The following DECR2 variants were observed in gnomAD, a reference collection of about 807,000 sequenced individuals.
The protein encoded by DECR2 is 2,4-dienoyl-CoA reductase 2.
In DECR2, 34 loss-of-function variants were observed where a neutral mutation model predicts 29.2. That is an observed-to-expected ratio of 1.16 (90% confidence interval 0.89 to 1.55). DECR2 has a LOEUF of 1.55. Ranked by LOEUF, DECR2 falls within the 40% of genes most tolerant of loss-of-function variation. The pLI is 0.00. For missense variants in DECR2, 485 were observed against 425.3 expected (o/e 1.14, Z -1.23); for synonymous variants, 224 against 182.7 (o/e 1.23, Z -1.82).
intron 7 of DECR2, 22 bp downstream of exon 7, chr16:411,098 G>A (rs1465420691): frequency 6.7e-7 from 1 of 1,484,346 alleles, no homozygotes; most frequent in South Asian, 1.4e-5. Flanking sequence ...AGGGAGCCCA[G>A]GCCTCCCACA....
At chr16:402,169 TTTTTTCTTTC>T (rs1040076069) in intron 1 of DECR2, 126 bp downstream of exon 1, 3 of 748,438 alleles carry the variant, frequency 4.0e-6, no homozygotes, top group African/African-American at 3.8e-5. Context: ...CCTTTCTTTC[TTTTTTCTTTC>T]TTTTTTTTTT....
rs773163797 is a variant in DECR2 at position 407,518 on chromosome 16, C to T, written c.295C>T (p.Gln99Ter). Residue 99 changes from glutamine to a stop codon, truncating the protein, a stop_gained, in exon 4 of 9, where the codon CAG becomes TAG. Coordinates refer to ENST00000219481, the MANE Select transcript of DECR2 (RefSeq NM_020664.4). LOFTEE classifies it high-confidence loss of function. ...APPAVMAAVD[Q>*]ALKEFGRIDI... Reference sequence around the variant, plus strand: ...CCCAGCTGTCATGGCCGCCGTGGACCAGGCTCTGAAGGAGTTTGGCAGAAT... The same window carrying T: ...CCCAGCTGTCATGGCCGCCGTGGACTAGGCTCTGAAGGAGTTTGGCAGAAT... 6.8e-6 allele frequency: 11 copies of T among 1,614,056 alleles called. No homozygotes were observed. In the South Asian group the frequency reaches 1.1e-4, roughly 16 times the overall value.
At chr16:402,180 T>A in intron 1 of DECR2, 137 bp downstream of exon 1, 5 of 231,814 alleles carry the variant, frequency 2.2e-5, no homozygotes, top group African/African-American at 4.1e-5. Flanking sequence ...TTTTTCTTTC[T>A]TTTTTTTTTT....
At chr16:411,825 G>C (rs1391315660) in intron 8 of DECR2, 65 bp from the exon 9 acceptor site, 11 of 483,176 alleles carry the variant, frequency 2.3e-5, no homozygotes, top group Non-Finnish European at 4.0e-5. Context: ...GGGTGGCCGA[G>C]GCAGCCGAGG....
Position 405,039 on chromosome 16 carries a change from T to C in DECR2, c.149+15T>C, listed in dbSNP as rs780823776. ...ATTTTCATGCGGTGAGACTGCTCTG[T>C]GTCCCTTCCCTGCTCCTCGCTTCTC... On this transcript the variant is annotated intron_variant, in intron 2 of 8. Coordinates refer to ENST00000219481, the MANE Select transcript of DECR2 (RefSeq NM_020664.4). 20 of 1,613,998 alleles carry C rather than the reference T, an allele frequency of 1.2e-5. No individual in the cohort carries two copies. Among genetic ancestry groups the C allele is most frequent in the Non-Finnish European group, 1.6e-5 (19 of 1,179,938 alleles).
At position 407,982 on chromosome 16, in the gene DECR2, C is replaced by T. The variant is rs1220771408; in HGVS notation, c.337+422C>T. ...GCCTCTGTCTCCGGCCCCCTGTCTC[C>T]GGGCCCCTGTCTCCGGGCCTCTGTC... On this transcript the variant is annotated intron_variant, in intron 4 of 8. Transcript: ENST00000219481. 1.0e-4 allele frequency among the ~76,000 whole-genome samples: 10 copies of T among 97,212 alleles called. 2 individuals are homozygous for T. Among genetic ancestry groups the T allele is most frequent in the Admixed American group, 1.0e-4 (1 of 9,878 alleles). 63.8% of individuals were successfully genotyped at this position (97,212 alleles called of 152,430 possible). A position where few individuals can be genotyped will look rare whatever the true frequency, so the allele number is the denominator to read the frequency against.
chr16:410,096 G>T lies in DECR2; in HGVS notation c.338-147G>T. ...CGCCCGTCTTGCTCTGGTCATTTTG[G>T]AATTTATCCTAGGGCATGGGTCTCC... On this transcript the variant is annotated intron_variant, in intron 4 of 8. Transcript: ENST00000219481. This position sits in a 1 kb window ranked among gnomAD's most constrained non-coding sequence, Gnocchi z 4.1. 1 of 1,201,918 alleles carries T rather than the reference G, an allele frequency of 8.3e-7. No individual in the cohort carries two copies. The highest frequency in any genetic ancestry group is 1.1e-6 in the Non-Finnish European group (1 of 882,572). 74.5% of individuals were successfully genotyped at this position (1,201,918 alleles called of 1,614,324 possible).
chr16:412,047 C>A lies in DECR2; in HGVS notation c.*158C>A, dbSNP rs1327194229. 1 of 160,012 alleles carries A rather than the reference C, an allele frequency of 6.2e-6. No individual in the cohort carries two copies. Among genetic ancestry groups the A allele is most frequent in the Admixed American group, 6.3e-5 (1 of 15,910 alleles). 9.9% of individuals were successfully genotyped at this position (160,012 alleles called of 1,614,324 possible). On this transcript the variant is annotated 3_prime_UTR_variant, in exon 9 of 9. Coordinates refer to ENST00000219481, the MANE Select transcript of DECR2 (RefSeq NM_020664.4). ...CAACTCCAGGGCAGGAGCAACTGGA[C>A]AGTGGGCCTGGCCCGTGGAGCTGCC... is the stretch of plus-strand genomic sequence containing the variant.
Position 406,560 on chromosome 16 carries a change from C to T in DECR2, c.201+163C>T, listed in dbSNP as rs757058903. On this transcript the variant is annotated intron_variant, in intron 3 of 8. Transcript: ENST00000219481. ...TCACCCAGGCTGAAGTGTGGTGGTG[C>T]GATCTCGGCTCACTGCAGCCTCCAC... 2.8e-5 allele frequency: 20 copies of T among 705,400 alleles called. No individual in the cohort carries two copies. The East Asian group carries it at 3.1e-4, about 11-fold the overall frequency. 43.7% of individuals were successfully genotyped at this position (705,400 alleles called of 1,614,324 possible).
chr16:407,427 C>T lies in DECR2; in HGVS notation c.204C>T (p.Ala68=), dbSNP rs747576879. Residue 68 remains alanine, a splice_region_variant and synonymous_variant, in exon 4 of 9, where the codon GCC becomes GCT. Transcript: ENST00000219481. ...ASRSLPRVLT[A]ARKLAGATGR... is the part of the protein sequence containing the mutation. ...CTGCCTCTTTACCTGGCTTCTAGGC[C>T]GCCAGGAAGCTGGCTGGGGCCACCG... 4.1e-5 allele frequency: 66 copies of T among 1,606,158 alleles called. No individual in the cohort carries two copies. The African/African-American group carries it at 4.9e-4, about 12-fold the overall frequency.
rs564027626 is a variant in DECR2 at position 412,075 on chromosome 16, G to A, written c.*186G>A. The stretch of plus-strand genomic sequence containing the variant: ...TGGGCCTGGCCCGTGGAGCTGCCAC[G>A]CAGGTGCCTGAGGGCCAGGTGCCAC... On this transcript the variant is annotated 3_prime_UTR_variant, in exon 9 of 9. Transcript: ENST00000219481. The A allele has an allele frequency of 3.2e-3, 496 of 155,652 alleles. 1 individual carries two copies. Among genetic ancestry groups the A allele is most frequent in the Middle Eastern group, 6.7e-3 (2 of 300 alleles). 9.6% of individuals were successfully genotyped at this position (155,652 alleles called of 1,614,324 possible). A position where few individuals can be genotyped will look rare whatever the true frequency, so the allele number is the denominator to read the frequency against.
intron 4 of DECR2, among the ~76,000 whole-genome samples, chr16:408,109 G>A (rs1461232232): frequency 3.2e-5 from 1 of 31,482 alleles, no homozygotes; most frequent in African/African-American, 1.2e-4. Flanking sequence ...CCCTGTCTCC[G>A]GACCTCTGTC....
At chr16:402,225 A>G (rs2141801181) in intron 1 of DECR2, among the ~76,000 whole-genome samples, 182 bp downstream of exon 1, 1 of 148,592 alleles carries the variant, frequency 6.7e-6, no homozygotes, top group Non-Finnish European at 1.5e-5. Flanking sequence ...CCCAGGCTGG[A>G]GTGCAGTGGC....
In DECR2 at chr16:404,949, T is replaced by G. The variant is rs2054707231; in HGVS notation, c.81-7T>G. ...TCTTTTAAAAGAGCCTCCTTTTTTA[T>G]TCTCAGGGACAAAGTGGCCTTCATC... On this transcript the variant is annotated splice_polypyrimidine_tract_variant and splice_region_variant and intron_variant, in intron 1 of 8. Transcript: ENST00000219481. 1 of 1,613,906 alleles carries G rather than the reference T, an allele frequency of 6.2e-7. No homozygotes were observed. Among genetic ancestry groups the G allele is most frequent in the African/African-American group, 1.3e-5 (1 of 74,926 alleles).
chr16:407,697 C>G, intron 4 of DECR2, 137 bp downstream of exon 4: 1 of 1,385,380 alleles, frequency 7.2e-7, no homozygotes, highest in African/African-American at 1.4e-5. Flanking sequence ...GCACCCCATC[C>G]AGGTACCTGA....
intron 7 of DECR2, 28 bp from the exon 8 acceptor site, chr16:411,333 G>A (rs778695836): frequency 1.8e-5 from 28 of 1,587,362 alleles, no homozygotes; most frequent in Admixed American, 6.8e-5. Context: ...TGGGGCTCAC[G>A]GGGCCTGAGC....
At position 407,570 on chromosome 16, in the gene DECR2, T is replaced by C. The variant is rs1444480364; in HGVS notation, c.337+10T>C. 2 of 1,613,528 alleles carry C rather than the reference T, an allele frequency of 1.2e-6. No individual in the cohort carries two copies. The highest frequency in any genetic ancestry group is 2.2e-5 in the East Asian group (1 of 44,870). On this transcript the variant is annotated intron_variant, in intron 4 of 8. Coordinates refer to ENST00000219481, the MANE Select transcript of DECR2 (RefSeq NM_020664.4). The stretch of plus-strand genomic sequence containing the variant: ...GACATTCTCATTAACTGTGAGTCGG[T>C]GCTGAGTGAGGTTGGTGGCTTCTCA...
intron 1 of DECR2, among the ~76,000 whole-genome samples, chr16:403,816 G>A (rs1459323876): frequency 1.3e-5 from 2 of 151,930 alleles, no homozygotes; most frequent in East Asian, 1.9e-4. Context: ...AGGTCAAGGC[G>A]GCAGTGAGCC....
intron 4 of DECR2, among the ~76,000 whole-genome samples, chr16:409,390 T>C (rs1332971996): frequency 6.8e-6 from 1 of 146,798 alleles, no homozygotes. Context: ...CAGGATGGTC[T>C]CGATCTCCTG....
Sources: gnomAD v4.1 joint callset for allele counts (sites outside exome capture counted in the v4.1 genomes callset) on GRCh38, gnomAD v4.1.1 for gene constraint, Gnocchi (gnomAD v3.1) non-coding constraint, MANE v1.5 for transcripts, NCBI Gene and HGNC (gene_info 2026-07-23, HGNC 2026-07-21) for gene names.